The following PPP1R12A variants were observed in gnomAD, a reference collection of about 807,000 sequenced individuals.
PPP1R12A encodes protein phosphatase 1 regulatory subunit 12A, also known as myosin binding subunit.
A neutral mutation model predicts 139.6 loss-of-function variants in PPP1R12A; 19 were observed. The observed-to-expected ratio is 0.14, with a 90% CI of 0.09 to 0.20. The LOEUF is 0.20. PPP1R12A is among the 10% of genes least tolerant of loss of function. The probability of loss-of-function intolerance (pLI) is 1.00; values close to 1 mark genes in which losing one functional copy is unlikely to be tolerated. For synonymous variants in PPP1R12A, 427 were observed against 420.6 expected, an observed-to-expected ratio of 1.02 and a Z score of -0.19; for missense variants, 925 against 1,211.5, an observed-to-expected ratio of 0.76 and a Z score of 3.51.
chr12:79,840,457 T>C (rs1212577509), intron 3 of PPP1R12A, among the ~76,000 whole-genome samples: 1 of 152,178 alleles, frequency 6.6e-6, no homozygotes, highest in Non-Finnish European at 1.5e-5. Flanking sequence ...GTTCTAACAA[T>C]GCACCAACCA....
At chr12:79,917,100 C>T (rs546245602) in intron 1 of PPP1R12A, among the ~76,000 whole-genome samples, 2 of 151,958 alleles carry the variant, frequency 1.3e-5, no homozygotes, top group African/African-American at 2.4e-5. Flanking sequence ...GTTTTTAAAG[C>T]GAGAAAAACT....
chr12:79,863,691 G>A (rs1466750372), intron 2 of PPP1R12A, among the ~76,000 whole-genome samples: 5 of 143,790 alleles, frequency 3.5e-5, no homozygotes, highest in Non-Finnish European at 6.0e-5. Context: ...TTGCAATCCT[G>A]GTCTCTGATA....
chr12:79,792,782 C>A (rs1872052606), intron 19 of PPP1R12A, among the ~76,000 whole-genome samples: 1 of 152,092 alleles, frequency 6.6e-6, no homozygotes, highest in South Asian at 2.1e-4. Flanking sequence ...TTCCTCCCCT[C>A]TTGTTTAATA....
At chr12:79,831,457 C>G (rs1209710069) in intron 4 of PPP1R12A, among the ~76,000 whole-genome samples, 1 of 152,082 alleles carries the variant, frequency 6.6e-6, no homozygotes, top group Non-Finnish European at 1.5e-5. Context: ...GTGGCACATG[C>G]TTGTAGTCCC....
At chr12:79,778,378 T>A (rs1870001917) in intron 24 of PPP1R12A, 172 bp downstream of exon 24, 1 of 411,194 alleles carries the variant, frequency 2.4e-6, no homozygotes, top group South Asian at 1.1e-4. Flanking sequence ...TTAGACCCTC[T>A]TCTGGCTCAC....
At chr12:79,930,930 T>C (rs1478901685) in intron 1 of PPP1R12A, among the ~76,000 whole-genome samples, 1 of 152,132 alleles carries the variant, frequency 6.6e-6, no homozygotes, top group East Asian at 1.9e-4. Flanking sequence ...AAACAATAAC[T>C]AAAATGTTTA....
intron 1 of PPP1R12A, among the ~76,000 whole-genome samples, chr12:79,881,397 G>T (rs1483783513): frequency 1.3e-5 from 2 of 152,192 alleles, no homozygotes; most frequent in Non-Finnish European, 2.9e-5. Flanking sequence ...CAGACATGGA[G>T]AAAGTGTTAG....
At chr12:79,839,813 T>G (rs555455036) in intron 3 of PPP1R12A, among the ~76,000 whole-genome samples, 18 of 152,330 alleles carry the variant, frequency 1.2e-4, no homozygotes, top group African/African-American at 3.8e-4. Flanking sequence ...CCTGTGGAAC[T>G]ATAAGTCAAT....
Position 79,781,851 on chromosome 12 carries a change from T to C in PPP1R12A, c.2919A>G (p.Arg973=), listed in dbSNP as rs1332865419. The part of the protein sequence containing the change: ...QLEKATQRQE[R]FADRSLLEME... ...TTTCCAACAGTGATCTATCAGCAAA[T>C]CTTTCTTGTCTCTGCAACAAAGTAA... The change falls in exon 23 of 25, where the codon AGA becomes AGG. Residue 973 remains arginine (R), a synonymous_variant. Coordinates refer to ENST00000450142, the MANE Select transcript of PPP1R12A (RefSeq NM_002480.3). 2 of 1,542,584 alleles carry C rather than the reference T, an allele frequency of 1.3e-6. No homozygotes were observed. The highest frequency in any genetic ancestry group is 1.8e-6 in the Non-Finnish European group (2 of 1,140,228).
intron 2 of PPP1R12A, among the ~76,000 whole-genome samples, chr12:79,853,536 T>A (rs1006477160): frequency 1.3e-5 from 2 of 152,226 alleles, no homozygotes; most frequent in African/African-American, 4.8e-5. Flanking sequence ...GAGAAATTAA[T>A]CTATTTGTGA....
chr12:79,846,622 T>C (rs1396205715), intron 2 of PPP1R12A, among the ~76,000 whole-genome samples: 1 of 150,974 alleles, frequency 6.6e-6, no homozygotes, highest in East Asian at 1.9e-4. Flanking sequence ...TTTGTATTCT[T>C]AGTAGAGACG....
intron 1 of PPP1R12A, among the ~76,000 whole-genome samples, chr12:79,886,099 G>T (rs1033631665): frequency 6.6e-6 from 1 of 152,126 alleles, no homozygotes; most frequent in African/African-American, 2.4e-5. Context: ...CATTCAGGGC[G>T]ACATAAATGT....
chr12:79,812,337 C>A (rs894788426), intron 9 of PPP1R12A, among the ~76,000 whole-genome samples: 2 of 149,542 alleles, frequency 1.3e-5, no homozygotes, highest in Non-Finnish European at 3.0e-5. Flanking sequence ...ACTATCTTCA[C>A]CTTCTTTTTC....
At chr12:79,843,782 C>T (rs975066877) in intron 3 of PPP1R12A, among the ~76,000 whole-genome samples, 17 of 151,166 alleles carry the variant, frequency 1.1e-4, no homozygotes, top group African/African-American at 2.9e-4. Flanking sequence ...CAGCTCACTG[C>T]GACCTCCGCC....
At chr12:79,875,444 G>A (rs1182767585) in intron 1 of PPP1R12A, among the ~76,000 whole-genome samples, 1 of 152,152 alleles carries the variant, frequency 6.6e-6, no homozygotes, top group African/African-American at 2.4e-5. Flanking sequence ...TTGCCCAGAG[G>A]GCAAGTGGCC....
chr12:79,841,918 G>GT (rs1349771371), intron 3 of PPP1R12A, among the ~76,000 whole-genome samples: 5 of 151,170 alleles, frequency 3.3e-5, no homozygotes, highest in East Asian at 3.9e-4. Flanking sequence ...TGCATTTCTT[G>GT]TTTTTTTTAG....
At chr12:79,904,899 T>C (rs899497055) in intron 1 of PPP1R12A, among the ~76,000 whole-genome samples, 3 of 152,178 alleles carry the variant, frequency 2.0e-5, no homozygotes, top group Non-Finnish European at 2.9e-5. Context: ...CAAAACACAC[T>C]GAAGCATGTT....
At chr12:79,795,516 A>G (rs1309656772) in intron 18 of PPP1R12A, 122 bp downstream of exon 18, 13 of 1,069,090 alleles carry the variant, frequency 1.2e-5, no homozygotes, top group Non-Finnish European at 1.6e-5. Flanking sequence ...CTCAGAAAAC[A>G]CAGTGATGAT....
intron 1 of PPP1R12A, among the ~76,000 whole-genome samples, chr12:79,873,512 A>AC (rs1223405256): frequency 2.0e-5 from 3 of 151,560 alleles, no homozygotes; most frequent in Non-Finnish European, 4.4e-5. Context: ...AAAAAAAAAA[A>AC]AAACATTGCT....
Sources: gnomAD v4.1 joint callset for allele counts (sites outside exome capture counted in the v4.1 genomes callset) on GRCh38, gnomAD v4.1.1 for gene constraint, MANE v1.5 for transcripts, NCBI Gene and HGNC (gene_info 2026-07-23, HGNC 2026-07-21) for gene names.